The following PALS1 variants were observed in gnomAD, a reference collection of about 807,000 sequenced individuals.
PALS1 encodes the protein protein PALS1.
In PALS1, 31 loss-of-function variants were observed where a neutral mutation model predicts 78.9. The ratio of observed to expected loss-of-function variants is 0.39; its 90% CI spans 0.30 to 0.53. PALS1 has a LOEUF of 0.53. Among genes scored for constraint, PALS1 ranks in the 20% least tolerant of loss-of-function variants. The probability of loss-of-function intolerance (pLI) is 0.67; values close to 1 mark genes in which losing one functional copy is unlikely to be tolerated. For missense variants in PALS1, 704 were observed against 826.5 expected (o/e 0.85, Z 1.82); for synonymous variants, 276 against 270.9 (o/e 1.02, Z -0.18).
At position 67,301,847 on chromosome 14, in the gene PALS1, A is replaced by C; in HGVS notation, c.655-125A>C. The C allele has an allele frequency of 1.9e-6, 2 of 1,065,956 alleles. 1 individual carries two copies. 66.0% of individuals were successfully genotyped at this position (1,065,956 alleles called of 1,614,324 possible). On this transcript the variant is annotated intron_variant, in intron 5 of 14. Coordinates refer to ENST00000261681, the MANE Select transcript of PALS1 (RefSeq NM_022474.4). ...GTATACTTAACACATCTTTATTATT[A>C]GCTCTAATTAATTATAACACTTTTA... is the stretch of plus-strand genomic sequence containing the variant.
At chr14:67,302,384 T>TA in intron 6 of PALS1, 26 bp from the exon 7 acceptor site, 1 of 1,343,556 alleles carries the variant, frequency 7.4e-7, no homozygotes, top group Non-Finnish European at 9.7e-7. Context: ...TTTTTATTTT[T>TA]AAATTATACA....
In PALS1 at chr14:67,303,728, A is replaced by G. The variant is rs2084961492; in HGVS notation, c.1041+129A>G. ...AATTCAATCATTTTTATTTAAATAA[A>G]TATGAAATATCAATGTTTTAAATTA... On this transcript the variant is annotated intron_variant, in intron 8 of 14. Transcript: ENST00000261681. The G allele has an allele frequency of 4.4e-6, 3 of 686,810 alleles. No individual in the cohort carries two copies. The South Asian group carries it at 5.6e-5, about 13-fold the overall frequency. 42.5% of individuals were successfully genotyped at this position (686,810 alleles called of 1,614,324 possible). A position where few individuals can be genotyped will look rare whatever the true frequency, so the allele number is the denominator to read the frequency against.
At chr14:67,317,300 A>C in intron 10 of PALS1, 108 bp from the exon 11 acceptor site, 2 of 1,022,028 alleles carry the variant, frequency 2.0e-6, no homozygotes, top group South Asian at 3.5e-5. Flanking sequence ...TCGTTTCTGC[A>C]AAAAAATTTA....
At chr14:67,276,601 G>A (rs1161122209) in intron 2 of PALS1, among the ~76,000 whole-genome samples, 2 of 152,108 alleles carry the variant, frequency 1.3e-5, no homozygotes, top group Non-Finnish European at 2.9e-5. Flanking sequence ...CATGACCCCT[G>A]TCTCTAACAA....
chr14:67,319,610 TAAAAAAAAAA>T (rs11366985), intron 11 of PALS1, among the ~76,000 whole-genome samples: 1 of 128,608 alleles, frequency 7.8e-6, no homozygotes, highest in African/African-American at 2.7e-5. Context: ...GCTGATGAGC[TAAAAAAAAAA>T]AAAAAAAAAT....
intron 3 of PALS1, among the ~76,000 whole-genome samples, chr14:67,284,454 ATGGTGGTATGCTTCTGTAGTCCCAGC>A (rs1306779076): frequency 4.6e-5 from 6 of 129,746 alleles, no homozygotes; most frequent in East Asian, 5.1e-4. Flanking sequence ...ACAGCTGGGC[ATGGTGGTATGCTTCTGTAGTCCCAGC>A]ATACTAGGGA....
chr14:67,283,691 T>A (rs1166289330), intron 3 of PALS1, among the ~76,000 whole-genome samples: 1 of 152,090 alleles, frequency 6.6e-6, no homozygotes, highest in Admixed American at 6.6e-5. Flanking sequence ...AATTCTGTGA[T>A]TTAGTCAGGT....
At chr14:67,244,585 A>G (rs2083959198) in intron 1 of PALS1, among the ~76,000 whole-genome samples, 1 of 152,230 alleles carries the variant, frequency 6.6e-6, no homozygotes, top group East Asian at 1.9e-4. Context: ...GAACAGTTCC[A>G]TCACCTATCC....
At chr14:67,311,679 A>G (rs951225438) in intron 8 of PALS1, among the ~76,000 whole-genome samples, 2 of 152,240 alleles carry the variant, frequency 1.3e-5, no homozygotes, top group Non-Finnish European at 2.9e-5. Context: ...AGAATAGCTT[A>G]TAAAGTTCAT....
At chr14:67,318,429 T>C (rs969245157) in intron 11 of PALS1, among the ~76,000 whole-genome samples, 4 of 151,600 alleles carry the variant, frequency 2.6e-5, no homozygotes, top group African/African-American at 7.3e-5. Flanking sequence ...TAATATCTCT[T>C]TTATTTTTTG....
chr14:67,305,683 A>C (rs1595601941), intron 8 of PALS1, among the ~76,000 whole-genome samples: 1 of 152,248 alleles, frequency 6.6e-6, no homozygotes, highest in African/African-American at 2.4e-5. Flanking sequence ...TCGAAGTGTT[A>C]CATTGAAACT....
intron 2 of PALS1, chr14:67,271,585 CA>C (rs2084407600): frequency 6.6e-6 from 1 of 152,188 alleles, no homozygotes; most frequent in South Asian, 2.1e-4. Flanking sequence ...AAAGAGTAGG[CA>C]AAGATCAGAT....
intron 8 of PALS1, among the ~76,000 whole-genome samples, chr14:67,304,246 T>C (rs77495752): frequency 0.012 from 1,835 of 152,290 alleles, 19 homozygotes; most frequent in Non-Finnish European, 0.018. Flanking sequence ...GCTAGATCTG[T>C]TAAAAGTCAG....
rs542337585 is a variant in PALS1, at chr14:67,322,135, C to G, written c.1740+876C>G. On this transcript the variant is annotated intron_variant, in intron 13 of 14. Transcript: ENST00000261681. ...CCAATGTGGGTGGATCACTTGAGTT[C>G]AGGAGTTCCAGACCAGCCTGGGCAA... Among the ~76,000 whole-genome samples the G allele has an allele frequency of 2.6e-5, 4 of 152,138 alleles. No homozygotes were observed. In the South Asian group the frequency reaches 8.3e-4, roughly 32 times the overall value.
intron 14 of PALS1, among the ~76,000 whole-genome samples, chr14:67,324,754 T>G (rs1044265083): frequency 2.0e-5 from 3 of 151,970 alleles, no homozygotes; most frequent in African/African-American, 7.3e-5. Context: ...CTGGCTAATT[T>G]TTTATGTATT....
At chr14:67,263,445 T>G (rs114190205) in intron 1 of PALS1, among the ~76,000 whole-genome samples, 1 of 152,220 alleles carries the variant, frequency 6.6e-6, no homozygotes, top group Non-Finnish European at 1.5e-5. Flanking sequence ...CTTCATAGAA[T>G]TTCATTGTTT....
rs1567518356 is a variant in PALS1, at chr14:67,280,858, TCCCTCCC to T, written c.367+1322_367+1328del. Among the ~76,000 whole-genome samples, 17 of 118,106 alleles carry T rather than the reference TCCCTCCC, an allele frequency of 1.4e-4. No homozygotes were observed. The East Asian group carries it at 4.1e-3, about 28-fold the overall frequency. The allele number at this position is 118,106 out of a possible 152,430, so 77.5% of individuals were successfully genotyped here. A position where few individuals can be genotyped will look rare whatever the true frequency, so the allele number is the denominator to read the frequency against. The stretch of plus-strand genomic sequence containing the variant: ...TTCCTTCCTTCCTTCCTTCCTTCCC[TCCCTCCC>T]TCCCTCCCTCCCTCCCTTTTCTTTC... On this transcript the variant is annotated intron_variant, in intron 3 of 14. Transcript: ENST00000261681.
chr14:67,254,698 TC>T (rs766981299), intron 1 of PALS1, among the ~76,000 whole-genome samples: 2 of 152,366 alleles, frequency 1.3e-5, no homozygotes, highest in Non-Finnish European at 2.9e-5. Context: ...TGGTATTTCT[TC>T]AGTGACAAGC....
chr14:67,321,878 T>A (rs1032398876), intron 13 of PALS1, among the ~76,000 whole-genome samples: 1 of 152,214 alleles, frequency 6.6e-6, no homozygotes, highest in African/African-American at 2.4e-5. Flanking sequence ...TTAATTTGAG[T>A]CTATGAAATA....
Sources: allele counts gnomAD v4.1 joint callset (sites outside exome capture counted in the v4.1 genomes callset), GRCh38; gene constraint gnomAD v4.1.1; transcripts MANE v1.5; gene names NCBI Gene and HGNC (gene_info 2026-07-23, HGNC 2026-07-21).